The following MFSD2B variants were observed in gnomAD, a reference collection of about 807,000 sequenced individuals.
The protein encoded by MFSD2B is sphingosine-1-phosphate transporter MFSD2B.
A neutral mutation model predicts 58.4 loss-of-function variants in MFSD2B; 56 were observed. The ratio of observed to expected loss-of-function variants is 0.96; its 90% CI spans 0.77 to 1.20. The LOEUF is 1.20. Among genes scored for constraint, MFSD2B ranks in the 50% most tolerant of loss-of-function variants. MFSD2B has a pLI of 0.00. For synonymous variants in MFSD2B, 287 were observed against 294.4 expected, an observed-to-expected ratio of 0.97 and a Z score of 0.26; for missense variants, 645 against 667.6, an observed-to-expected ratio of 0.97 and a Z score of 0.37.
Position 24,010,141 on chromosome 2 carries a change from G to A in MFSD2B, c.45G>A (p.Pro15=). 2 of 1,463,146 alleles carry A rather than the reference G, an allele frequency of 1.4e-6. No individual in the cohort carries two copies. The highest frequency in any genetic ancestry group is 1.3e-5 in the South Asian group (1 of 75,028). The allele number at this position is 1,463,146 out of a possible 1,614,324, so 90.6% of individuals were successfully genotyped here. A position where few individuals can be genotyped will look rare whatever the true frequency, so the allele number is the denominator to read the frequency against. The change falls in exon 1 of 14, where the codon CCG becomes CCA. Residue 15 remains proline, a synonymous_variant. Transcript: ENST00000338315. The part of the protein sequence containing the change: ...PAPAAKGSPQ[P]EPHAPEPGPG... ...CAGCCGCCAAGGGGTCCCCGCAGCC[G>A]GAGCCGCACGCCCCAGAGCCCGGCC... is the stretch of plus-strand genomic sequence containing the variant.
Position 24,023,032 on chromosome 2 carries a change from C to T in MFSD2B, c.1060-98C>T. The T allele has an allele frequency of 7.4e-7, 1 of 1,344,376 alleles. No individual in the cohort carries two copies. The highest frequency in any genetic ancestry group is 1.2e-5 in the South Asian group (1 of 82,248). 83.3% of individuals were successfully genotyped at this position (1,344,376 alleles called of 1,614,324 possible). Reference sequence around the variant, plus strand: ...TCCCTTGAGTCTTTAGGGCCTAGCACAGGGCAAGGCATGGGGGTCGTCAGT... The same window carrying T: ...TCCCTTGAGTCTTTAGGGCCTAGCATAGGGCAAGGCATGGGGGTCGTCAGT... On this transcript the variant is annotated intron_variant, in intron 10 of 13. Transcript: ENST00000338315. This position sits in a 1 kb window ranked among gnomAD's most constrained non-coding sequence, Gnocchi z 5.0.
At chr2:24,010,469 T>C (rs962740641) in intron 1 of MFSD2B, among the ~76,000 whole-genome samples, 3 of 152,162 alleles carry the variant, frequency 2.0e-5, no homozygotes, top group African/African-American at 7.2e-5. Context: ...AGGGGTCTTG[T>C]CCGTGCCACC....
In MFSD2B at chr2:24,021,552, C is replaced by T. The variant is rs1290097127; in HGVS notation, c.682-96C>T. On this transcript the variant is annotated intron_variant, in intron 6 of 13. Transcript: ENST00000338315. This position sits in a 1 kb window ranked among gnomAD's most constrained non-coding sequence, Gnocchi z 5.7. ...CCTGGGCTTGGGTTGTGCCTCCCTC[C>T]GCTCCCACTGGGAGGCAGTACTGCC... is the stretch of plus-strand genomic sequence containing the variant. 2.0e-5 allele frequency: 23 copies of T among 1,144,830 alleles called. No homozygotes were observed. Among genetic ancestry groups the T allele is most frequent in the Middle Eastern group, 1.9e-4 (1 of 5,152 alleles). 70.9% of individuals were successfully genotyped at this position (1,144,830 alleles called of 1,614,324 possible).
rs1314826054 is a variant in MFSD2B, at chr2:24,020,396, C to T, written c.682-1252C>T. On this transcript the variant is annotated intron_variant, in intron 6 of 13. Coordinates refer to ENST00000338315, the MANE Select transcript of MFSD2B (RefSeq NM_001346880.2). The surrounding 1 kb of genome is among the most constrained non-coding windows in gnomAD (Gnocchi z 4.1). ...GGCAGTGCCCTCCAGAGCATGAGGC[C>T]CAGGGCGGTTGCACAGGATGAGTGC... is the stretch of plus-strand genomic sequence containing the variant. Among the ~76,000 whole-genome samples, 1 of 152,116 alleles carries T rather than the reference C, an allele frequency of 6.6e-6. No individual in the cohort carries two copies. Among genetic ancestry groups the T allele is most frequent in the East Asian group, 1.9e-4 (1 of 5,200 alleles).
rs1573638924 is a variant in MFSD2B, at chr2:24,018,272, C to T, written c.681+684C>T. On this transcript the variant is annotated intron_variant, in intron 6 of 13. Transcript: ENST00000338315. ...CTGGGATGCATCCAGCCACCCTGCA[C>T]CCCACTGCCATGCCCCGGCCCGTGC... is the stretch of plus-strand genomic sequence containing the variant. 1.8e-5 allele frequency: 3 copies of T among 168,862 alleles called. No homozygotes were observed. In the East Asian group the frequency reaches 3.4e-4, roughly 19 times the overall value. The allele number at this position is 168,862 out of a possible 1,614,324, so 10.5% of individuals were successfully genotyped here.
At chr2:24,010,266 T>C in intron 1 of MFSD2B, 74 bp downstream of exon 1, 1 of 1,184,590 alleles carries the variant, frequency 8.4e-7, no homozygotes, top group African/African-American at 1.6e-5. Flanking sequence ...GCAGCCCCTT[T>C]TCCAGCTGGG....
rs758373258 is a variant in MFSD2B, at chr2:24,017,398, G to A, written c.550+34G>A. On this transcript the variant is annotated intron_variant, in intron 5 of 13. Transcript: ENST00000338315. The surrounding 1 kb of genome is among the most constrained non-coding windows in gnomAD (Gnocchi z 4.8). ...AGCCGTGGGTTTCGGGTTCCAGGGA[G>A]GCAACTGCCCCTGGGACCCCACTCC... 1.4e-5 allele frequency: 23 copies of A among 1,598,360 alleles called. No homozygotes were observed. The highest frequency in any genetic ancestry group is 1.4e-5 in the Non-Finnish European group (17 of 1,172,866).
Position 24,024,062 on chromosome 2 carries a change from C to A in MFSD2B, c.1314-33C>A, listed in dbSNP as rs1425223413. On this transcript the variant is annotated intron_variant, in intron 12 of 13. Coordinates refer to ENST00000338315, the MANE Select transcript of MFSD2B (RefSeq NM_001346880.2). The surrounding 1 kb of genome is among the most constrained non-coding windows in gnomAD (Gnocchi z 4.3). ...CACCCAGGGTGCCAGGCTCAGCAGG[C>A]CCTGCCCTAATGGCTGGCTGATGTT... The A allele has an allele frequency of 6.2e-7, 1 of 1,609,578 alleles. No homozygotes were observed.
chr2:24,014,596 A>C (rs189605400), intron 2 of MFSD2B, among the ~76,000 whole-genome samples: 194 of 152,340 alleles, frequency 1.3e-3, no homozygotes, highest in African/African-American at 4.5e-3. Flanking sequence ...GCTCTGGTGA[A>C]AAAGAAAAGT....
rs1390322544 is a variant in MFSD2B at position 24,025,671 on chromosome 2, A to G, written c.*215A>G. The stretch of plus-strand genomic sequence containing the variant: ...CTGTTGCCTTCAGACTATCTCAGAT[A>G]GGCCTGTGCCCCTGACTAGCCCAGT... On this transcript the variant is annotated 3_prime_UTR_variant, in exon 14 of 14. Transcript: ENST00000338315. 1 of 569,050 alleles carries G rather than the reference A, an allele frequency of 1.8e-6. No individual in the cohort carries two copies. Among genetic ancestry groups the G allele is most frequent in the Non-Finnish European group, 3.1e-6 (1 of 317,470 alleles). The allele number at this position is 569,050 out of a possible 1,614,324, so 35.3% of individuals were successfully genotyped here.
At chr2:24,010,234 G>A in intron 1 of MFSD2B, 42 bp downstream of exon 1, 1 of 1,309,060 alleles carries the variant, frequency 7.6e-7, no homozygotes, top group East Asian at 3.1e-5. Context: ...TGCGTCCTCG[G>A]GGAGCTCCAG....
Position 24,023,131 on chromosome 2 carries a change from C to T in MFSD2B, c.1061C>T (p.Ala354Val), listed in dbSNP as rs1408349599. The T allele has an allele frequency of 4.3e-6, 7 of 1,611,024 alleles. No homozygotes were observed. Among genetic ancestry groups the T allele is most frequent in the African/African-American group, 1.3e-5 (1 of 74,878 alleles). Reference protein sequence around the residue: ...GKKTSAFGIFAMVPFAILLAA... With the variant: ...GKKTSAFGIFVMVPFAILLAA... ...CAGCTGGTGTGTGTGTCTCCCCAGG[C>T]GATGGTGCCCTTTGCGATCTTGCTG... is the stretch of plus-strand genomic sequence containing the variant. Residue 354 changes from alanine (A) to valine (V), a missense_variant and splice_region_variant, in exon 11 of 14, where the codon GCG becomes GTG. By Grantham distance (64) the Ala-to-Val change is moderately conservative. Coordinates refer to ENST00000338315, the MANE Select transcript of MFSD2B (RefSeq NM_001346880.2). This position sits in a 1 kb window ranked among gnomAD's most constrained non-coding sequence, Gnocchi z 5.0.
At chr2:24,018,381 G>A (rs772191276) in intron 6 of MFSD2B, 9 of 176,462 alleles carry the variant, frequency 5.1e-5, no homozygotes, top group South Asian at 2.0e-4. Context: ...CTCCCTGTGC[G>A]GTCAGGTGCC....
rs1662842080 is a variant in MFSD2B at position 24,022,766 on chromosome 2, C to T, written c.979-56C>T. 1 of 1,355,304 alleles carries T rather than the reference C, an allele frequency of 7.4e-7. No homozygotes were observed. The highest frequency in any genetic ancestry group is 1.5e-5 in the South Asian group (1 of 67,636). The allele number at this position is 1,355,304 out of a possible 1,614,324, so 84.0% of individuals were successfully genotyped here. ...AATCTAAAAGCCAAGGCCTTGGGGT[C>T]CCAGGCAAAGGCGCTGGCAGCACGG... On this transcript the variant is annotated intron_variant, in intron 9 of 13. Transcript: ENST00000338315. This position sits in a 1 kb window ranked among gnomAD's most constrained non-coding sequence, Gnocchi z 4.5.
Position 24,022,466 on chromosome 2 carries a change from CAT to C in MFSD2B, c.929_930del (p.His310ArgfsTer89). On this transcript the variant is annotated frameshift_variant, in exon 9 of 14. Transcript: ENST00000338315. LOFTEE classifies it high-confidence loss of function. This position sits in a 1 kb window ranked among gnomAD's most constrained non-coding sequence, Gnocchi z 4.5. ...EQSYLVLFCTHASQLHDHVQG... is the reference protein window; with the variant it reads ...EQSYLVLFCTXASQLHDHVQG... ...GAGCTACCTGGTCCTGTTCTGTACACATGCCTCCCAGCTACACGACCACGTCC... is the reference window on the plus strand; with the variant it reads ...GAGCTACCTGGTCCTGTTCTGTACACGCCTCCCAGCTACACGACCACGTCC... 1.2e-6 allele frequency: 2 copies of C among 1,613,484 alleles called. No homozygotes were observed. The highest frequency in any genetic ancestry group is 1.1e-5 in the South Asian group (1 of 90,830).
chr2:24,016,048 C>A, intron 2 of MFSD2B, 108 bp from the exon 3 acceptor site: 1 of 1,373,788 alleles, frequency 7.3e-7, no homozygotes, highest in East Asian at 2.3e-5. Context: ...TGTGGCTCTG[C>A]CCTCCGGTCC....
At position 24,025,428 on chromosome 2, in the gene MFSD2B, A is replaced by G; in HGVS notation, c.1491-4A>G. On this transcript the variant is annotated splice_region_variant and splice_polypyrimidine_tract_variant and intron_variant, in intron 13 of 13. Transcript: ENST00000338315. ...TTCTCCTTGGCTTCCTTCCCTTCCCACAGGAGGACCAGCTACAGCCTGGCC... is the reference window on the plus strand; with the variant it reads ...TTCTCCTTGGCTTCCTTCCCTTCCCGCAGGAGGACCAGCTACAGCCTGGCC... 1 of 1,535,912 alleles carries G rather than the reference A, an allele frequency of 6.5e-7. No homozygotes were observed.
In MFSD2B at chr2:24,023,203, C is replaced by A. The variant is rs749105787; in HGVS notation, c.1133C>A (p.Ser378Tyr). ...GTGGCATATGTCGTGGCCTTTGTAT[C>A]TGGCGTGAGCATTGCTGTGTCCTTG... ...APVAYVVAFV[S>Y]GVSIAVSLLL... Residue 378 changes from serine to tyrosine, a missense_variant, in exon 11 of 14, where the codon TCT becomes TAT. Ser to Tyr is a moderately radical substitution (Grantham distance 144). Transcript: ENST00000338315. This position sits in a 1 kb window ranked among gnomAD's most constrained non-coding sequence, Gnocchi z 5.0. 3.1e-6 allele frequency: 5 copies of A among 1,613,704 alleles called. No homozygotes were observed. Among genetic ancestry groups the A allele is most frequent in the Non-Finnish European group, 4.2e-6 (5 of 1,179,836 alleles).
chr2:24,018,056 G>A (rs564410614), intron 6 of MFSD2B, among the ~76,000 whole-genome samples: 15 of 152,062 alleles, frequency 9.9e-5, no homozygotes, highest in Non-Finnish European at 1.6e-4. Context: ...TCCCTTTCAC[G>A]GCGGGTCCCT....
Sources: gnomAD v4.1 joint callset for allele counts (sites outside exome capture counted in the v4.1 genomes callset) on GRCh38, gnomAD v4.1.1 for gene constraint, Gnocchi (gnomAD v3.1) non-coding constraint, MANE v1.5 for transcripts, NCBI Gene and HGNC (gene_info 2026-07-23, HGNC 2026-07-21) for gene names.